CCDC141: variants seen among roughly 807,000 people sequenced by gnomAD.
CCDC141 encodes the protein coiled-coil domain containing 141, also known as coiled-coil domain-containing protein 141.
In CCDC141, 168 loss-of-function variants were observed where a neutral mutation model predicts 181.0. The ratio of observed to expected loss-of-function variants is 0.93; its 90% CI spans 0.82 to 1.05. The LOEUF (loss-of-function observed/expected upper bound fraction) is 1.05, where lower values mean the gene tolerates loss of function less well. CCDC141 is among the 50% of genes least tolerant of loss of function. The pLI, the probability that CCDC141 is intolerant of heterozygous loss-of-function variation, is 0.00. For synonymous variants in CCDC141, 666 were observed against 642.3 expected (o/e 1.04, Z -0.56); for missense variants, 1,902 against 1,788.5 (o/e 1.06, Z -1.14).
At chr2:178,892,477 T>G (rs1575178542) in intron 8 of CCDC141, among the ~76,000 whole-genome samples, 1 of 152,136 alleles carries the variant, frequency 6.6e-6, no homozygotes, top group East Asian at 1.9e-4. Flanking sequence ...TTAGAATATA[T>G]CCATCACATT....
At chr2:179,042,605 GC>G (rs1326904393) in intron 2 of CCDC141, among the ~76,000 whole-genome samples, 2 of 152,236 alleles carry the variant, frequency 1.3e-5, no homozygotes, top group African/African-American at 2.4e-5. Context: ...ACCTTGGCCT[GC>G]CAAAGTGCTG....
intron 4 of CCDC141, among the ~76,000 whole-genome samples, chr2:178,968,639 A>G (rs1296766658): frequency 6.6e-6 from 1 of 152,208 alleles, no homozygotes; most frequent in Non-Finnish European, 1.5e-5. Context: ...AAAGCAGGAA[A>G]GATCTAAAAT....
rs749027423 is a variant in CCDC141, at chr2:178,978,643, C to G, written c.258G>C (p.Gln86His). The part of the protein sequence containing the change: ...ALEDRVWELL[Q>H]EADKTAEENK... ...TCTCTTCAGCTGTCTTGTCTGCTTC[C>G]TGCAAGAGTTCCCATACCCGATCTT... Residue 86 changes from glutamine (Q) to histidine (H), a missense_variant, in exon 3 of 24, where the codon CAG becomes CAC. Transcript: ENST00000443758. 1 of 1,546,148 alleles carries G rather than the reference C, an allele frequency of 6.5e-7. No homozygotes were observed. The highest frequency in any genetic ancestry group is 1.2e-5 in the South Asian group (1 of 83,460).
intron 6 of CCDC141, among the ~76,000 whole-genome samples, chr2:178,931,677 T>C (rs942015882): frequency 2.6e-5 from 4 of 152,132 alleles, no homozygotes; most frequent in African/African-American, 7.2e-5. Flanking sequence ...GGAATGAAGA[T>C]TGACTGCTTA....
intron 7 of CCDC141, among the ~76,000 whole-genome samples, chr2:178,909,953 C>T (rs1688150637): frequency 6.6e-6 from 1 of 152,136 alleles, no homozygotes. Context: ...AATATTTTAT[C>T]CCTCTGGTTC....
chr2:178,914,638 A>G (rs181749575), intron 7 of CCDC141, among the ~76,000 whole-genome samples: 1 of 152,326 alleles, frequency 6.6e-6, no homozygotes, highest in African/African-American at 2.4e-5. Context: ...TGGGCAATTA[A>G]GTGATAATTA....
chr2:178,841,216 A>G (rs1684702143), intron 22 of CCDC141, among the ~76,000 whole-genome samples: 1 of 152,220 alleles, frequency 6.6e-6, no homozygotes, highest in South Asian at 2.1e-4. Flanking sequence ...ATTGTCTCCA[A>G]AGTTGACGTT....
At position 178,891,733 on chromosome 2, in the gene CCDC141, TG is replaced by T. The variant is rs1687160198; in HGVS notation, c.1266-3066del. On this transcript the variant is annotated intron_variant, in intron 8 of 23. Coordinates refer to ENST00000443758, the MANE Select transcript of CCDC141 (RefSeq NM_173648.4). ...ATAAAACTGTTGCTTTTTAGCAACC[TG>T]CAATTTTAATTTAGGTGAATTACAA... Among the ~76,000 whole-genome samples, 2 of 152,150 alleles carry T rather than the reference TG, an allele frequency of 1.3e-5. 1 individual carries two copies. Among genetic ancestry groups the T allele is most frequent in the South Asian group, 4.1e-4 (2 of 4,820 alleles).
intron 2 of CCDC141, among the ~76,000 whole-genome samples, chr2:179,024,270 G>T (rs535942980): frequency 6.6e-6 from 1 of 152,238 alleles, no homozygotes; most frequent in South Asian, 2.1e-4. Flanking sequence ...GAACAGCAAG[G>T]TATGTGAATA....
intron 4 of CCDC141, among the ~76,000 whole-genome samples, chr2:178,961,929 C>G (rs1690420050): frequency 2.0e-5 from 3 of 152,120 alleles, no homozygotes; most frequent in Admixed American, 2.0e-4. Flanking sequence ...GGGACTATGA[C>G]AAAGTGGAAA....
At chr2:179,034,442 C>T (rs1214630727) in intron 2 of CCDC141, among the ~76,000 whole-genome samples, 2 of 152,120 alleles carry the variant, frequency 1.3e-5, no homozygotes, top group Non-Finnish European at 2.9e-5. Flanking sequence ...TACAACAAAC[C>T]TCCATAACAC....
intron 6 of CCDC141, among the ~76,000 whole-genome samples, chr2:178,943,755 C>G (rs1689616220): frequency 6.6e-6 from 1 of 152,118 alleles, no homozygotes; most frequent in Non-Finnish European, 1.5e-5. Flanking sequence ...AAAGTATTTA[C>G]AGACCCCCAG....
At chr2:178,824,894 T>C (rs144390108), downstream of CCDC141, among the ~76,000 whole-genome samples, 1 of 152,294 alleles carries the variant, frequency 6.6e-6, no homozygotes, top group African/African-American at 2.4e-5. Flanking sequence ...TTTATACTAC[T>C]ATATTTACAA....
chr2:178,981,636 G>GTGTGTATA (rs1313433628), intron 2 of CCDC141, among the ~76,000 whole-genome samples: 16 of 62,396 alleles, frequency 2.6e-4, no homozygotes, highest in Admixed American at 7.8e-4. Context: ...GTGTGTGTGT[G>GTGTGTATA]TATATATATA....
intron 2 of CCDC141, among the ~76,000 whole-genome samples, chr2:178,995,171 C>T (rs1480431669): frequency 2.0e-5 from 3 of 152,208 alleles, no homozygotes; most frequent in African/African-American, 4.8e-5. Flanking sequence ...CATTTTCATG[C>T]TGCTGATTAA....
intron 2 of CCDC141, among the ~76,000 whole-genome samples, chr2:179,044,254 A>T (rs1159274260): frequency 6.6e-6 from 1 of 152,160 alleles, no homozygotes; most frequent in Non-Finnish European, 1.5e-5. Flanking sequence ...TAGATTCAAT[A>T]CTATTCCCAT....
chr2:178,921,627 A>G (rs1229971473), intron 6 of CCDC141, among the ~76,000 whole-genome samples: 1 of 152,190 alleles, frequency 6.6e-6, no homozygotes, highest in South Asian at 2.1e-4. Flanking sequence ...ACTCTCCTAG[A>G]GGAAAGTGTG....
chr2:179,034,732 A>T (rs1483904155), intron 2 of CCDC141, among the ~76,000 whole-genome samples: 1 of 152,164 alleles, frequency 6.6e-6, no homozygotes, highest in Non-Finnish European at 1.5e-5. Context: ...TGATATTTTG[A>T]ATTCATAATG....
At chr2:178,995,779 G>T (rs1415785660) in intron 2 of CCDC141, among the ~76,000 whole-genome samples, 3 of 152,174 alleles carry the variant, frequency 2.0e-5, no homozygotes, top group African/African-American at 7.2e-5. Flanking sequence ...TAGCAGGAGA[G>T]TTTGACCAAA....
Sources: gnomAD v4.1 joint callset for allele counts (sites outside exome capture counted in the v4.1 genomes callset) on GRCh38, gnomAD v4.1.1 for gene constraint, MANE v1.5 for transcripts, NCBI Gene and HGNC (gene_info 2026-07-23, HGNC 2026-07-21) for gene names.